Variants in GSK3B observed in about 807,000 individuals in gnomAD.
The protein encoded by GSK3B is glycogen synthase kinase-3 beta.
A neutral mutation model predicts 56.4 loss-of-function variants in GSK3B; 15 were observed. The ratio of observed to expected loss-of-function variants is 0.27; its 90% CI spans 0.18 to 0.41. GSK3B has a LOEUF of 0.41. GSK3B is among the 10% of genes least tolerant of loss of function. The probability of loss-of-function intolerance (pLI) is 1.00; values close to 1 mark genes in which losing one functional copy is unlikely to be tolerated. For missense variants in GSK3B, 300 were observed against 513.4 expected (o/e 0.58, Z 4.02); for synonymous variants, 181 against 188.9 (o/e 0.96, Z 0.34).
At chr3:119,936,000 T>C (rs770915783) in intron 3 of GSK3B, among the ~76,000 whole-genome samples, 6 of 152,016 alleles carry the variant, frequency 3.9e-5, no homozygotes, top group Non-Finnish European at 7.4e-5. Context: ...ACATAATCAA[T>C]AGAGAAAAAG....
At chr3:120,029,022 G>A in intron 1 of GSK3B, 1 of 644,226 alleles carries the variant, frequency 1.6e-6, no homozygotes. Context: ...ATCCTATAGG[G>A]ACTCTCATAA....
At position 119,863,320 on chromosome 3, in the gene GSK3B, C is replaced by A. The variant is rs369738862; in HGVS notation, c.1096+99G>T. 2.4e-5 allele frequency: 22 copies of A among 933,722 alleles called. 1 individual carries two copies. The highest frequency in any genetic ancestry group is 1.7e-4 in the East Asian group (7 of 41,566). 57.8% of individuals were successfully genotyped at this position (933,722 alleles called of 1,614,324 possible). A position where few individuals can be genotyped will look rare whatever the true frequency, so the allele number is the denominator to read the frequency against. On this transcript the variant is annotated intron_variant, in intron 9 of 10. Coordinates refer to ENST00000264235, the MANE Select transcript of GSK3B (RefSeq NM_001146156.2). ...CACCTACCTAAGTACTTAATATGTCCGTTTTTGTCCTCCACAGATTTTAAT... is the reference window on the plus strand; with the variant it reads ...CACCTACCTAAGTACTTAATATGTCAGTTTTTGTCCTCCACAGATTTTAAT...
chr3:119,999,827 G>T (rs2057658500), intron 2 of GSK3B, among the ~76,000 whole-genome samples: 1 of 152,178 alleles, frequency 6.6e-6, no homozygotes, highest in African/African-American at 2.4e-5. Flanking sequence ...ATATTTCAAG[G>T]AGAGTAACAT....
At chr3:119,881,727 G>A (rs2056381196) in intron 7 of GSK3B, among the ~76,000 whole-genome samples, 1 of 152,158 alleles carries the variant, frequency 6.6e-6, no homozygotes, top group Non-Finnish European at 1.5e-5. Flanking sequence ...TACTGATATG[G>A]TTTGGCTATG....
chr3:119,849,629 C>T (rs2055901153), intron 9 of GSK3B, among the ~76,000 whole-genome samples: 2 of 152,122 alleles, frequency 1.3e-5, no homozygotes, highest in South Asian at 2.1e-4. Context: ...TTGAAGGCCA[C>T]AGCAGTTTTG....
intron 7 of GSK3B, among the ~76,000 whole-genome samples, chr3:119,891,753 T>C (rs1478882614): frequency 6.6e-6 from 1 of 152,148 alleles, no homozygotes; most frequent in Non-Finnish European, 1.5e-5. Context: ...TCTGTAAGTG[T>C]ATTTCATACA....
chr3:119,979,422 C>T (rs1377948043), intron 2 of GSK3B, among the ~76,000 whole-genome samples: 1 of 152,112 alleles, frequency 6.6e-6, no homozygotes, highest in East Asian at 1.9e-4. Flanking sequence ...CCTGTCCAAA[C>T]CCTCCACCCT....
At chr3:119,926,422 T>G (rs1458769840) in intron 3 of GSK3B, among the ~76,000 whole-genome samples, 1 of 151,970 alleles carries the variant, frequency 6.6e-6, no homozygotes, top group African/African-American at 2.4e-5. Context: ...ATCTTTAAAA[T>G]TTATCTGGAT....
At chr3:119,911,069 C>A (rs2056730511) in intron 6 of GSK3B, among the ~76,000 whole-genome samples, 1 of 152,146 alleles carries the variant, frequency 6.6e-6, no homozygotes, top group African/African-American at 2.4e-5. Context: ...AAATGTTGTT[C>A]ATGTGATTGA....
chr3:119,822,738 A>C lies in GSK3B; in HGVS notation c.*4050T>G. 1 of 228,490 alleles carries C rather than the reference A, an allele frequency of 4.4e-6. No homozygotes were observed. The highest frequency in any genetic ancestry group is 8.7e-6 in the Non-Finnish European group (1 of 115,178). The allele number at this position is 228,490 out of a possible 1,614,324, so 14.2% of individuals were successfully genotyped here. A position where few individuals can be genotyped will look rare whatever the true frequency, so the allele number is the denominator to read the frequency against. On this transcript the variant is annotated 3_prime_UTR_variant, in exon 11 of 11. Coordinates refer to ENST00000264235, the MANE Select transcript of GSK3B (RefSeq NM_001146156.2). ...ATACCTACTTTTCCACACAGGGGAG[A>C]AAAGTGTTTGGCTCTGTGATTAGAT...
chr3:119,964,386 A>AG (rs1453568578), intron 2 of GSK3B, among the ~76,000 whole-genome samples: 19 of 152,368 alleles, frequency 1.2e-4, no homozygotes, highest in Admixed American at 3.3e-4. Flanking sequence ...AATTGATAAG[A>AG]AAAATGTGGT....
At chr3:119,938,344 T>C (rs1208808364) in intron 3 of GSK3B, among the ~76,000 whole-genome samples, 3 of 152,002 alleles carry the variant, frequency 2.0e-5, no homozygotes, top group African/African-American at 7.2e-5. Flanking sequence ...TACCAACCAA[T>C]ATCCCTTATA....
intron 1 of GSK3B, among the ~76,000 whole-genome samples, chr3:120,035,363 C>T (rs950191734): frequency 6.6e-6 from 1 of 152,196 alleles, no homozygotes; most frequent in African/African-American, 2.4e-5. Flanking sequence ...AGCTTCTAAA[C>T]TGTGAGAAAA....
chr3:119,942,387 C>G (rs188990948), intron 3 of GSK3B, among the ~76,000 whole-genome samples: 3 of 152,284 alleles, frequency 2.0e-5, no homozygotes, highest in African/African-American at 7.2e-5. Flanking sequence ...CAACCTCCTC[C>G]TCCTGGGTTC....
chr3:120,039,717 G>A (rs747862230), intron 1 of GSK3B, among the ~76,000 whole-genome samples: 4 of 152,148 alleles, frequency 2.6e-5, no homozygotes, highest in South Asian at 2.1e-4. Context: ...CAGCCCATGC[G>A]GGAGTGACAC....
intron 3 of GSK3B, among the ~76,000 whole-genome samples, chr3:119,933,808 C>T (rs1403199658): frequency 6.6e-6 from 1 of 152,130 alleles, no homozygotes; most frequent in Non-Finnish European, 1.5e-5. Context: ...GCCTGGGAGG[C>T]AGAGGTTGCA....
intron 1 of GSK3B, among the ~76,000 whole-genome samples, chr3:120,038,403 C>T (rs2058039262): frequency 6.6e-6 from 1 of 152,128 alleles, no homozygotes; most frequent in Non-Finnish European, 1.5e-5. Context: ...TGGTCCACAC[C>T]TATGATACCA....
At chr3:119,936,947 C>T (rs900682009) in intron 3 of GSK3B, among the ~76,000 whole-genome samples, 1 of 151,988 alleles carries the variant, frequency 6.6e-6, no homozygotes. Context: ...CATTATTTTG[C>T]ACCTGAGCAT....
chr3:119,894,034 A>G (rs1490980193), intron 7 of GSK3B, among the ~76,000 whole-genome samples: 2 of 152,068 alleles, frequency 1.3e-5, no homozygotes, highest in Non-Finnish European at 2.9e-5. Flanking sequence ...TCCATGAGCC[A>G]TCATTCTCAT....
Sources: gnomAD v4.1 joint callset for allele counts (sites outside exome capture counted in the v4.1 genomes callset) on GRCh38, gnomAD v4.1.1 for gene constraint, MANE v1.5 for transcripts, NCBI Gene and HGNC (gene_info 2026-07-23, HGNC 2026-07-21) for gene names.